CUL1: variants seen among roughly 807,000 people sequenced by gnomAD.
CUL1 encodes the protein cullin 1.
A neutral mutation model predicts 118.0 loss-of-function variants in CUL1; 24 were observed. The ratio of observed to expected loss-of-function variants is 0.20; its 90% CI spans 0.15 to 0.29. CUL1 has a LOEUF of 0.29. Among genes scored for constraint, CUL1 ranks in the 10% least tolerant of loss-of-function variants. The probability of loss-of-function intolerance (pLI) is 1.00; values close to 1 mark genes in which losing one functional copy is unlikely to be tolerated. For synonymous variants in CUL1, 332 were observed against 340.4 expected, an observed-to-expected ratio of 0.98 and a Z score of 0.27; for missense variants, 361 against 933.8, an observed-to-expected ratio of 0.39 and a Z score of 7.99.
At chr7:148,786,652 G>A in intron 12 of CUL1, 53 bp downstream of exon 12, 2 of 1,423,540 alleles carry the variant, frequency 1.4e-6, no homozygotes, top group South Asian at 1.2e-5. Flanking sequence ...TTCACAAGCT[G>A]TTTGTAATGT....
chr7:148,724,605 C>A (rs1034575919), intron 1 of CUL1, among the ~76,000 whole-genome samples: 1 of 152,152 alleles, frequency 6.6e-6, no homozygotes, highest in Non-Finnish European at 1.5e-5. Context: ...AATCCCTCTC[C>A]GGGGATTGGC....
At chr7:148,748,994 A>G (rs1054217384) in intron 2 of CUL1, among the ~76,000 whole-genome samples, 1 of 152,228 alleles carries the variant, frequency 6.6e-6, no homozygotes, top group Non-Finnish European at 1.5e-5. Context: ...AAACTCTAGT[A>G]TTAGTATAGG....
chr7:148,735,896 G>A (rs1584778058), intron 2 of CUL1, among the ~76,000 whole-genome samples: 1 of 151,948 alleles, frequency 6.6e-6, no homozygotes. Flanking sequence ...GAAGAATTAG[G>A]CCAGCCATGC....
At chr7:148,747,105 T>G (rs1401799146) in intron 2 of CUL1, among the ~76,000 whole-genome samples, 1 of 152,256 alleles carries the variant, frequency 6.6e-6, no homozygotes, top group African/African-American at 2.4e-5. Context: ...TGAAGGCTTT[T>G]GAATATTCCA....
chr7:148,776,468 C>T (rs576815646), intron 9 of CUL1, among the ~76,000 whole-genome samples: 2 of 151,798 alleles, frequency 1.3e-5, no homozygotes, highest in African/African-American at 4.8e-5. Flanking sequence ...AGGCATGTGC[C>T]ACCACACCTG....
At chr7:148,794,670 G>T (rs1429013274) in intron 17 of CUL1, among the ~76,000 whole-genome samples, 1 of 152,104 alleles carries the variant, frequency 6.6e-6, no homozygotes, top group African/African-American at 2.4e-5. Flanking sequence ...TGCCATCTCA[G>T]CAGTATTTTA....
Position 148,778,093 on chromosome 7 carries a change from AAAAAGAAG to A in CUL1, c.1084-5687_1084-5680del, listed in dbSNP as rs1438938428. 7.5e-4 allele frequency among the ~76,000 whole-genome samples: 89 copies of A among 118,648 alleles called. 1 individual carries two copies. The highest frequency in any genetic ancestry group is 1.1e-3 in the Non-Finnish European group (66 of 58,296). 77.8% of individuals were successfully genotyped at this position (118,648 alleles called of 152,430 possible). A position where few individuals can be genotyped will look rare whatever the true frequency, so the allele number is the denominator to read the frequency against. On this transcript the variant is annotated intron_variant, in intron 9 of 21. Coordinates refer to ENST00000325222, the MANE Select transcript of CUL1 (RefSeq NM_003592.3). ...CTCAAAAAAAAAAAAAAAAAAAAAA[AAAAAGAAG>A]AAGAAGAAGAATGAGGAAAGAGAGC... is the stretch of plus-strand genomic sequence containing the variant.
chr7:148,731,558 C>G (rs1367256070), intron 2 of CUL1, among the ~76,000 whole-genome samples: 2 of 152,008 alleles, frequency 1.3e-5, no homozygotes, highest in African/African-American at 4.8e-5. Context: ...AAAATTCAAC[C>G]TTTTAAAAAG....
chr7:148,735,397 A>G (rs1584777745), intron 2 of CUL1, among the ~76,000 whole-genome samples: 1 of 152,060 alleles, frequency 6.6e-6, no homozygotes, highest in Admixed American at 6.5e-5. Flanking sequence ...TCAGGTCCAC[A>G]CTCTGACCAT....
chr7:148,782,795 C>T (rs1173215089), intron 9 of CUL1, among the ~76,000 whole-genome samples: 1 of 152,192 alleles, frequency 6.6e-6, no homozygotes, highest in East Asian at 1.9e-4. Flanking sequence ...TGATTTCTGG[C>T]ACCTGAGCCC....
At chr7:148,726,069 A>C (rs1440607694) in intron 1 of CUL1, among the ~76,000 whole-genome samples, 1 of 152,254 alleles carries the variant, frequency 6.6e-6, no homozygotes, top group Non-Finnish European at 1.5e-5. Context: ...TCTGGACACA[A>C]AAAGTGTACA....
intron 1 of CUL1, among the ~76,000 whole-genome samples, chr7:148,709,394 TTGAA>T (rs941099507): frequency 9.8e-5 from 15 of 152,340 alleles, no homozygotes; most frequent in African/African-American, 3.6e-4. Context: ...TTTTAGAAAA[TTGAA>T]TGAAGTTTGT....
At chr7:148,782,698 C>A (rs1426209711) in intron 9 of CUL1, among the ~76,000 whole-genome samples, 3 of 152,146 alleles carry the variant, frequency 2.0e-5, no homozygotes, top group Non-Finnish European at 4.4e-5. Context: ...GCAGAAAAAT[C>A]ATTCATCCTT....
chr7:148,758,619 GA>G (rs977208945), intron 4 of CUL1, among the ~76,000 whole-genome samples: 2 of 151,926 alleles, frequency 1.3e-5, no homozygotes, highest in African/African-American at 4.8e-5. Context: ...CATGTCTCAA[GA>G]AAAAAAGAAA....
intron 2 of CUL1, among the ~76,000 whole-genome samples, chr7:148,741,710 A>G (rs562997120): frequency 1.0e-3 from 136 of 129,842 alleles, no homozygotes; most frequent in African/African-American, 4.4e-3. Flanking sequence ...AGTAGCTGGA[A>G]CCGCAGGTGC....
intron 1 of CUL1, among the ~76,000 whole-genome samples, chr7:148,716,391 T>C (rs1258817293): frequency 6.6e-6 from 1 of 152,222 alleles, no homozygotes; most frequent in African/African-American, 2.4e-5. Flanking sequence ...TTAGACACTT[T>C]GCTAAAAGTA....
At chr7:148,698,285 T>A (rs1488682787), upstream of CUL1, 3 of 149,552 alleles carry the variant, frequency 2.0e-5, no homozygotes, top group African/African-American at 7.4e-5. Context: ...CCAGGCAAGC[T>A]GGGGGTGGGG....
chr7:148,747,230 G>A (rs1799334443), intron 2 of CUL1, among the ~76,000 whole-genome samples: 2 of 152,104 alleles, frequency 1.3e-5, no homozygotes, highest in African/African-American at 4.8e-5. Context: ...TGTTAATTTA[G>A]TAGCTGGGAA....
chr7:148,798,070 G>T (rs767315186), intron 19 of CUL1, 51 bp downstream of exon 19: 2 of 1,098,236 alleles, frequency 1.8e-6, no homozygotes, highest in Non-Finnish European at 1.4e-6. Context: ...CACGTCCCCC[G>T]GGAGCCCTAG....
Sources: gnomAD v4.1 joint callset for allele counts (sites outside exome capture counted in the v4.1 genomes callset) on GRCh38, gnomAD v4.1.1 for gene constraint, MANE v1.5 for transcripts, NCBI Gene and HGNC (gene_info 2026-07-23, HGNC 2026-07-21) for gene names.